The following TYW1 variants were observed in gnomAD, a reference collection of about 807,000 sequenced individuals.
TYW1 encodes the protein S-adenosyl-L-methionine-dependent tRNA 4-demethylwyosine synthase TYW1.
In TYW1, 46 loss-of-function variants were observed where a neutral mutation model predicts 96.2. The ratio of observed to expected loss-of-function variants is 0.48; its 90% confidence interval spans 0.38 to 0.61. The LOEUF (loss-of-function observed/expected upper bound fraction) is 0.61, where lower values mean the gene tolerates loss of function less well. TYW1 is among the 20% of genes least tolerant of loss of function. TYW1 has a pLI of 0.00. For synonymous variants in TYW1, 274 were observed against 323.0 expected (o/e 0.85, Z 1.63); for missense variants, 684 against 909.6 (o/e 0.75, Z 3.19).
intron 13 of TYW1, among the ~76,000 whole-genome samples, chr7:67,158,082 ATTTTTTTTTT>A (rs560215948): frequency 9.8e-6 from 1 of 102,164 alleles, no homozygotes; most frequent in Non-Finnish European, 1.9e-5. Flanking sequence ...TTTGCTGAGG[ATTTTTTTTTT>A]TTTTTTTTTT....
At chr7:67,124,511 A>C (rs1797860281) in intron 13 of TYW1, among the ~76,000 whole-genome samples, 1 of 152,118 alleles carries the variant, frequency 6.6e-6, no homozygotes, top group Non-Finnish European at 1.5e-5. Context: ...AATTACAGGC[A>C]TGAGCCACTG....
At chr7:67,205,282 G>A (rs374065619) in intron 15 of TYW1, among the ~76,000 whole-genome samples, 72 of 151,900 alleles carry the variant, frequency 4.7e-4, no homozygotes, top group South Asian at 8.3e-4. Context: ...AGGGGCAGAA[G>A]TTCTGGCTCC....
intron 13 of TYW1, among the ~76,000 whole-genome samples, chr7:67,143,184 G>A (rs183872286): frequency 1.2e-4 from 19 of 152,154 alleles, no homozygotes; most frequent in African/African-American, 2.2e-4. Flanking sequence ...TGCTTTGTGC[G>A]TAGTATATTT....
intron 15 of TYW1, among the ~76,000 whole-genome samples, chr7:67,209,099 G>A (rs556400449): frequency 7.0e-4 from 106 of 152,282 alleles, no homozygotes; most frequent in African/African-American, 2.1e-3. Context: ...GGCAAAGACC[G>A]CAATTACTTT....
chr7:67,152,365 A>C (rs771237880), intron 13 of TYW1, among the ~76,000 whole-genome samples: 12 of 152,014 alleles, frequency 7.9e-5, no homozygotes, highest in African/African-American at 2.9e-4. Context: ...ATGCAGTGCT[A>C]TTTCACCTTG....
chr7:67,132,819 AG>A (rs1336604003), intron 13 of TYW1, among the ~76,000 whole-genome samples: 1 of 152,230 alleles, frequency 6.6e-6, no homozygotes, highest in Non-Finnish European at 1.5e-5. Context: ...TGTAACTGCT[AG>A]GTAGCCTTCT....
intron 7 of TYW1, among the ~76,000 whole-genome samples, chr7:67,039,230 G>T (rs1794938115): frequency 6.6e-6 from 1 of 152,058 alleles, no homozygotes; most frequent in Non-Finnish European, 1.5e-5. Flanking sequence ...GCTGAGACGG[G>T]CAGATCATGA....
intron 10 of TYW1, among the ~76,000 whole-genome samples, chr7:67,072,942 T>G (rs1426592466): frequency 5.4e-5 from 6 of 111,284 alleles, no homozygotes; most frequent in East Asian, 2.1e-4. Context: ...CAGTTTTTTT[T>G]TTTTTTTTTT....
intron 12 of TYW1, among the ~76,000 whole-genome samples, chr7:67,115,050 C>A (rs1797551095): frequency 6.6e-6 from 1 of 152,014 alleles, no homozygotes; most frequent in Admixed American, 6.6e-5. Context: ...GTGTCCAGGG[C>A]TTCCTATTTT....
chr7:67,007,285 C>T lies in TYW1; in HGVS notation c.274-2298C>T, dbSNP rs192625848. Among the ~76,000 whole-genome samples, 40 of 152,272 alleles carry T rather than the reference C, an allele frequency of 2.6e-4. No individual in the cohort carries two copies. The East Asian group carries it at 7.7e-3, about 29-fold the overall frequency. On this transcript the variant is annotated intron_variant, in intron 3 of 15. Coordinates refer to ENST00000359626, the MANE Select transcript of TYW1 (RefSeq NM_018264.4). ...CCAAATTCTTCTAGCTTAATAAAAA[C>T]CTAAGCTTAATAAAAACAACTGGAG... is the stretch of plus-strand genomic sequence containing the variant.
At chr7:67,171,648 CTATATTGTTAGGTACTAG>C (rs1799517477) in intron 13 of TYW1, among the ~76,000 whole-genome samples, 1 of 152,006 alleles carries the variant, frequency 6.6e-6, no homozygotes. Flanking sequence ...CATATTGATG[CTATATTGTTAGGTACTAG>C]TATATTGTTA....
chr7:67,057,280 T>C (rs1301650136), intron 9 of TYW1, among the ~76,000 whole-genome samples: 1 of 152,084 alleles, frequency 6.6e-6, no homozygotes, highest in Non-Finnish European at 1.5e-5. Flanking sequence ...CCCAAAGTGC[T>C]GGGATTACAG....
chr7:67,161,430 G>A (rs1443250488), intron 13 of TYW1, among the ~76,000 whole-genome samples: 1 of 152,060 alleles, frequency 6.6e-6, no homozygotes, highest in Non-Finnish European at 1.5e-5. Context: ...GATTAGGTTG[G>A]CTCTCTTTCT....
At chr7:67,205,890 G>C (rs2949113) in intron 15 of TYW1, among the ~76,000 whole-genome samples, 2 of 151,878 alleles carry the variant, frequency 1.3e-5, no homozygotes, top group Admixed American at 6.6e-5. Flanking sequence ...ACTCAAGAAA[G>C]CCACCACCAT....
chr7:67,068,701 G>A (rs1795947154), intron 10 of TYW1, among the ~76,000 whole-genome samples: 1 of 152,126 alleles, frequency 6.6e-6, no homozygotes, highest in African/African-American at 2.4e-5. Flanking sequence ...TCTGTAGTTT[G>A]ACACCTTTAA....
At chr7:67,184,718 G>T (rs201189634) in intron 14 of TYW1, among the ~76,000 whole-genome samples, 8 of 139,582 alleles carry the variant, frequency 5.7e-5, no homozygotes, top group Admixed American at 2.2e-4. Context: ...GTTATGTTAT[G>T]GTTTTTTGAG....
chr7:67,196,368 A>G (rs1174996322), intron 15 of TYW1, among the ~76,000 whole-genome samples: 1 of 152,110 alleles, frequency 6.6e-6, no homozygotes, highest in African/African-American at 2.4e-5. Flanking sequence ...GATAATTCCA[A>G]TGACTAAAGT....
chr7:67,218,273 T>C (rs1336741186), intron 15 of TYW1, among the ~76,000 whole-genome samples: 1 of 152,162 alleles, frequency 6.6e-6, no homozygotes, highest in Non-Finnish European at 1.5e-5. Context: ...TACAAGTCTT[T>C]CATCTCTTTG....
At chr7:67,095,971 G>A (rs537371854) in intron 11 of TYW1, among the ~76,000 whole-genome samples, 15 of 152,360 alleles carry the variant, frequency 9.8e-5, no homozygotes, top group African/African-American at 3.1e-4. Context: ...ATAGCAAATC[G>A]TTAATGAACG....
Sources: gnomAD v4.1 joint callset for allele counts (sites outside exome capture counted in the v4.1 genomes callset) on GRCh38, gnomAD v4.1.1 for gene constraint, MANE v1.5 for transcripts, NCBI Gene and HGNC (gene_info 2026-07-23, HGNC 2026-07-21) for gene names.